Variants in KLF12 observed in about 807,000 individuals in gnomAD.
KLF12 encodes the protein KLF transcription factor 12, also known as Krueppel-like factor 12.
Under a neutral mutation model 37.8 loss-of-function variants are expected in KLF12, and 9 were observed. The ratio of observed to expected loss-of-function variants is 0.24; its 90% CI spans 0.14 to 0.42. The LOEUF is 0.42. KLF12 is among the 10% of genes least tolerant of loss of function. The pLI, the probability that KLF12 is intolerant of heterozygous loss-of-function variation, is 1.00. For synonymous variants in KLF12, 208 were observed against 202.1 expected (o/e 1.03, Z -0.25); for missense variants, 411 against 516.0 (o/e 0.80, Z 1.97).
chr13:74,024,885 C>T (rs1391637435), intron 1 of KLF12, among the ~76,000 whole-genome samples: 1 of 152,086 alleles, frequency 6.6e-6, no homozygotes, highest in Non-Finnish European at 1.5e-5. Context: ...CAGAAACCAC[C>T]CACCTCTTCC....
At chr13:73,928,923 A>AC (rs1376941032) in intron 3 of KLF12, among the ~76,000 whole-genome samples, 3 of 151,936 alleles carry the variant, frequency 2.0e-5, no homozygotes, top group Admixed American at 6.6e-5. Flanking sequence ...CATAAATAGT[A>AC]CCCCCCATAG....
chr13:73,962,037 A>G (rs1891037724), intron 2 of KLF12: 1 of 454,020 alleles, frequency 2.2e-6, no homozygotes, highest in South Asian at 1.6e-5. Context: ...CCTTTATAGC[A>G]GCATTATTCA....
chr13:74,250,753 G>T, the KLF12 span, among the ~76,000 whole-genome samples: 2 of 151,870 alleles, frequency 1.3e-5, no homozygotes, highest in Non-Finnish European at 1.5e-5. Context: ...AAGGATCAAG[G>T]CTGCTATAAA....
At chr13:73,985,317 G>A (rs1189410591) in intron 2 of KLF12, among the ~76,000 whole-genome samples, 1 of 152,194 alleles carries the variant, frequency 6.6e-6, no homozygotes, top group Admixed American at 6.5e-5. Context: ...AGCAATGGAT[G>A]ATGAAATCGT....
At chr13:74,177,783 G>A in the KLF12 span, among the ~76,000 whole-genome samples, 1 of 152,156 alleles carries the variant, frequency 6.6e-6, no homozygotes, top group African/African-American at 2.4e-5. Flanking sequence ...TGGATTTGTG[G>A]TTTAAGTGGG....
intron 5 of KLF12, among the ~76,000 whole-genome samples, chr13:73,766,908 C>A (rs1410489149): frequency 1.3e-5 from 2 of 152,016 alleles, no homozygotes; most frequent in African/African-American, 4.8e-5. Flanking sequence ...ATCCATAGAT[C>A]AAATACTGCA....
chr13:73,858,779 T>C (rs1337215012), intron 3 of KLF12, among the ~76,000 whole-genome samples: 1 of 152,176 alleles, frequency 6.6e-6, no homozygotes, highest in Non-Finnish European at 1.5e-5. Context: ...GGAAAAGTAA[T>C]GGGGAAAGTT....
chr13:74,252,825 A>T, the KLF12 span, among the ~76,000 whole-genome samples: 1 of 152,042 alleles, frequency 6.6e-6, no homozygotes, highest in Non-Finnish European at 1.5e-5. Context: ...TTTATTTCTC[A>T]ATTTGAAACA....
At chr13:73,816,042 C>G (rs935536822) in intron 4 of KLF12, among the ~76,000 whole-genome samples, 1 of 152,152 alleles carries the variant, frequency 6.6e-6, no homozygotes, top group African/African-American at 2.4e-5. Context: ...CATCTGCTAC[C>G]ATCATGCTGG....
chr13:74,270,642 A>G, the KLF12 span, among the ~76,000 whole-genome samples: 1 of 152,178 alleles, frequency 6.6e-6, no homozygotes, highest in Non-Finnish European at 1.5e-5. Context: ...TAAAAAATTG[A>G]TCATAACACT....
At chr13:74,043,742 T>TGCATAC (rs1893470070) in intron 1 of KLF12, among the ~76,000 whole-genome samples, 1 of 152,216 alleles carries the variant, frequency 6.6e-6, no homozygotes, top group African/African-American at 2.4e-5. Context: ...TATTTATGTG[T>TGCATAC]TCAATCAAGA....
chr13:73,778,623 C>T (rs1235873093), intron 5 of KLF12, among the ~76,000 whole-genome samples: 4 of 152,076 alleles, frequency 2.6e-5, no homozygotes, highest in East Asian at 1.9e-4. Flanking sequence ...TCTCGGCCTC[C>T]GAAAGTGCTG....
chr13:73,804,165 T>C (rs1194133098), intron 5 of KLF12, among the ~76,000 whole-genome samples: 1 of 152,194 alleles, frequency 6.6e-6, no homozygotes, highest in East Asian at 1.9e-4. Context: ...GCCAATGCTC[T>C]TACCTGTTCC....
In KLF12 at chr13:74,018,167, A is replaced by G. The variant is rs555663662; in HGVS notation, c.-31-23114T>C. Among the ~76,000 whole-genome samples the G allele has an allele frequency of 4.6e-5, 7 of 152,268 alleles. No individual in the cohort carries two copies. In the South Asian group the frequency reaches 1.5e-3, roughly 32 times the overall value. On this transcript the variant is annotated intron_variant, in intron 1 of 7. Transcript: ENST00000377669. The stretch of plus-strand genomic sequence containing the variant: ...AATCCTGCCATTTGTGACAACACAG[A>G]TGAATCTGTGTGACATTATTCTAAG...
At chr13:73,903,738 G>C (rs555851935) in intron 3 of KLF12, among the ~76,000 whole-genome samples, 18 of 152,296 alleles carry the variant, frequency 1.2e-4, no homozygotes, top group African/African-American at 4.3e-4. Context: ...TAGGAACCTC[G>C]TCGCACAGCA....
chr13:73,759,233 C>T (rs1363966215), intron 6 of KLF12, among the ~76,000 whole-genome samples: 1 of 152,108 alleles, frequency 6.6e-6, no homozygotes, highest in East Asian at 1.9e-4. Context: ...ACTTATTTGC[C>T]AACACGCATG....
chr13:74,149,283 G>T, the KLF12 span, among the ~76,000 whole-genome samples: 3 of 152,194 alleles, frequency 2.0e-5, no homozygotes, highest in Non-Finnish European at 4.4e-5. Context: ...ATACTCATGT[G>T]TATAATGGGC....
the KLF12 span, among the ~76,000 whole-genome samples, chr13:74,273,081 C>T: frequency 1.3e-5 from 2 of 152,130 alleles, no homozygotes; most frequent in Admixed American, 6.6e-5. Flanking sequence ...TACTAGTATC[C>T]TTTCAAATAG....
chr13:74,108,258 C>T (rs1484617805), intron 1 of KLF12, among the ~76,000 whole-genome samples: 1 of 152,046 alleles, frequency 6.6e-6, no homozygotes, highest in African/African-American at 2.4e-5. Context: ...TTCTTGTTTA[C>T]TTAGAGTCTC....
Sources: allele counts gnomAD v4.1 joint callset (sites outside exome capture counted in the v4.1 genomes callset), GRCh38; gene constraint gnomAD v4.1.1; transcripts MANE v1.5; gene names NCBI Gene and HGNC (gene_info 2026-07-23, HGNC 2026-07-21).